The following GANC variants were observed in gnomAD, a reference collection of about 807,000 sequenced individuals.
The protein encoded by GANC is neutral alpha-glucosidase C.
Under a neutral mutation model 124.2 loss-of-function variants are expected in GANC, and 117 were observed. That is an observed-to-expected ratio of 0.94 (90% CI 0.81 to 1.10). The LOEUF is 1.10. GANC is among the 50% of genes least tolerant of loss of function. The pLI is 0.00. For synonymous variants in GANC, 377 were observed against 376.8 expected (o/e 1.00, Z -0.01); for missense variants, 1,140 against 1,095.0 (o/e 1.04, Z -0.58).
intron 4 of GANC, 24 bp downstream of exon 4, chr15:42,287,842 T>C: frequency 6.3e-7 from 1 of 1,595,708 alleles, no homozygotes; most frequent in Admixed American, 1.9e-5. Context: ...CGAGGTATTT[T>C]AGAGACACGC....
At chr15:42,339,562 G>A in intron 16 of GANC, 107 bp from the exon 17 acceptor site, 5 of 1,302,656 alleles carry the variant, frequency 3.8e-6, no homozygotes, top group Non-Finnish European at 4.2e-6. Flanking sequence ...GTCATTTGAA[G>A]TGCATATACT....
intron 6 of GANC, among the ~76,000 whole-genome samples, chr15:42,299,055 T>G (rs983608470): frequency 6.6e-6 from 1 of 152,228 alleles, no homozygotes; most frequent in Non-Finnish European, 1.5e-5. Flanking sequence ...ACTCTTTATT[T>G]CTTCCTCTTG....
chr15:42,342,357 A>T (rs541017505), intron 18 of GANC, among the ~76,000 whole-genome samples: 14 of 152,228 alleles, frequency 9.2e-5, no homozygotes, highest in Non-Finnish European at 2.1e-4. Flanking sequence ...GTCGAGTATG[A>T]GATCGCTTAA....
At chr15:42,303,792 CAAG>C (rs1186310766) in intron 6 of GANC, among the ~76,000 whole-genome samples, 1 of 151,588 alleles carries the variant, frequency 6.6e-6, no homozygotes, top group Non-Finnish European at 1.5e-5. Flanking sequence ...ATCAATGCAA[CAAG>C]AAGAGCTAAC....
intron 6 of GANC, among the ~76,000 whole-genome samples, chr15:42,302,664 C>A (rs1294831396): frequency 6.6e-6 from 1 of 152,014 alleles, no homozygotes; most frequent in Admixed American, 6.6e-5. Flanking sequence ...ACATAAATGA[C>A]CTGATGGAGC....
At chr15:42,296,882 C>T (rs2051897786) in intron 5 of GANC, among the ~76,000 whole-genome samples, 1 of 143,256 alleles carries the variant, frequency 7.0e-6, no homozygotes, top group Non-Finnish European at 1.5e-5. Flanking sequence ...TATGGTCTCA[C>T]TATGTTGCCC....
chr15:42,350,893 A>G lies in GANC; in HGVS notation c.2532-436A>G, dbSNP rs565545795. Among the ~76,000 whole-genome samples the G allele has an allele frequency of 2.2e-4, 32 of 142,634 alleles. No homozygotes were observed. The East Asian group carries it at 6.2e-3, about 28-fold the overall frequency. The allele number at this position is 142,634 out of a possible 152,430, so 93.6% of individuals were successfully genotyped here. On this transcript the variant is annotated intron_variant, in intron 22 of 23. Coordinates refer to ENST00000318010, the MANE Select transcript of GANC (RefSeq NM_198141.3). Reference sequence around the variant, plus strand: ...TTATTATTATTATTATTATTTTGAGATGGAGTCTCACTGTATCACCCAGTC... The same window carrying G: ...TTATTATTATTATTATTATTTTGAGGTGGAGTCTCACTGTATCACCCAGTC...
At chr15:42,298,802 A>G (rs1206921550) in intron 6 of GANC, among the ~76,000 whole-genome samples, 1 of 152,002 alleles carries the variant, frequency 6.6e-6, no homozygotes, top group Non-Finnish European at 1.5e-5. Flanking sequence ...ATTCCTAGGT[A>G]TTTTATTCCC....
chr15:42,319,568 C>T (rs1281642252), intron 10 of GANC, among the ~76,000 whole-genome samples: 1 of 151,826 alleles, frequency 6.6e-6, no homozygotes, highest in Non-Finnish European at 1.5e-5. Flanking sequence ...CTCTGTTGCC[C>T]AGGTTAGTCT....
chr15:42,283,707 C>T, intron 3 of GANC: 1 of 702,586 alleles, frequency 1.4e-6, no homozygotes. Flanking sequence ...CCCCTTGCCT[C>T]TTCATCTAAG....
intron 3 of GANC, among the ~76,000 whole-genome samples, chr15:42,281,330 G>A (rs2412684): frequency 0.96 from 146,515 of 152,296 alleles, 70,674 homozygotes; most frequent in Non-Finnish European, 1. Context: ...AGAGACAACA[G>A]AGGTGATGGT....
intron 6 of GANC, among the ~76,000 whole-genome samples, chr15:42,302,443 C>T (rs1214507056): frequency 6.6e-6 from 1 of 152,182 alleles, no homozygotes; most frequent in Non-Finnish European, 1.5e-5. Flanking sequence ...AACACCTCTT[C>T]TCCTCCAAAC....
At chr15:42,326,168 G>A (rs2052196807) in intron 11 of GANC, 130 bp from the exon 12 acceptor site, 1 of 662,770 alleles carries the variant, frequency 1.5e-6, no homozygotes, top group Non-Finnish European at 2.7e-6. Context: ...TTGTTTTTTT[G>A]TCTGAAATAT....
chr15:42,290,179 T>C (rs1322180723), intron 4 of GANC, among the ~76,000 whole-genome samples: 1 of 152,204 alleles, frequency 6.6e-6, no homozygotes, highest in Non-Finnish European at 1.5e-5. Context: ...GGTGGTCAAC[T>C]AAAATAAAGT....
chr15:42,339,001 A>C (rs1026329711), intron 16 of GANC, among the ~76,000 whole-genome samples: 8 of 152,168 alleles, frequency 5.3e-5, no homozygotes, highest in Non-Finnish European at 1.2e-4. Flanking sequence ...CATCCTAAGA[A>C]TTCTCTGTAG....
At position 42,348,147 on chromosome 15, in the gene GANC, A is replaced by T; in HGVS notation, c.2349A>T (p.Thr783=). ...QRGGSVIPIK[T]TVGKSTGWMT... The stretch of plus-strand genomic sequence containing the variant: ...GTGGAAGTGTGATACCAATAAAGAC[A>T]ACTGTAGGAAAATCCACAGGCTGGA... Residue 783 remains threonine (T), a synonymous_variant, in exon 21 of 24, where the codon ACA becomes ACT. Coordinates refer to ENST00000318010, the MANE Select transcript of GANC (RefSeq NM_198141.3). 1 of 1,613,150 alleles carries T rather than the reference A, an allele frequency of 6.2e-7. No individual in the cohort carries two copies. Among genetic ancestry groups the T allele is most frequent in the East Asian group, 2.2e-5 (1 of 44,798 alleles).
At chr15:42,287,871 A>G in intron 4 of GANC, 53 bp downstream of exon 4, 7 of 1,554,952 alleles carry the variant, frequency 4.5e-6, no homozygotes, top group Non-Finnish European at 6.1e-6. Flanking sequence ...TTCTTTTATC[A>G]TATCTTGAGT....
chr15:42,340,693 T>C lies in GANC; in HGVS notation c.2091T>C (p.Pro697=). Reference sequence around the variant, plus strand: ...ATAATTTTTTTTCTTTCCCCAGGCCTCTGTGGGTAGAGTTCCCTGATGAAC... The same window carrying C: ...ATAATTTTTTTTCTTTCCCCAGGCCCCTGTGGGTAGAGTTCCCTGATGAAC... ...AHVASQPVMR[P]LWVEFPDELK... Residue 697 remains proline, a synonymous_variant, in exon 18 of 24, where the codon CCT becomes CCC. Coordinates refer to ENST00000318010, the MANE Select transcript of GANC (RefSeq NM_198141.3). 1 of 1,604,096 alleles carries C rather than the reference T, an allele frequency of 6.2e-7. No individual in the cohort carries two copies.
At chr15:42,280,903 A>G (rs2051726174) in intron 3 of GANC, 1 of 699,774 alleles carries the variant, frequency 1.4e-6, no homozygotes, top group Admixed American at 2.0e-5. Flanking sequence ...AAAGTGAGGA[A>G]CAATGCTCTT....
Sources: allele counts gnomAD v4.1 joint callset (sites outside exome capture counted in the v4.1 genomes callset), GRCh38; gene constraint gnomAD v4.1.1; transcripts MANE v1.5; gene names NCBI Gene and HGNC (gene_info 2026-07-23, HGNC 2026-07-21).